CACNB2: variants seen among roughly 807,000 people sequenced by gnomAD.
CACNB2 encodes the protein voltage-dependent L-type calcium channel subunit beta-2.
In CACNB2, 42 loss-of-function variants were observed where a neutral mutation model predicts 73.3. That is an observed-to-expected ratio of 0.57 (90% CI 0.45 to 0.74). The LOEUF is 0.74. Ranked by LOEUF, CACNB2 falls within the 30% of genes least tolerant of loss-of-function variation. The probability of loss-of-function intolerance (pLI) is 0.00; values close to 1 mark genes in which losing one functional copy is unlikely to be tolerated. For synonymous variants in CACNB2, 348 were observed against 310.3 expected, an observed-to-expected ratio of 1.12 and a Z score of -1.28; for missense variants, 940 against 853.0, an observed-to-expected ratio of 1.10 and a Z score of -1.27.
At chr10:18,444,283 G>A (rs980987498) in intron 3 of CACNB2, among the ~76,000 whole-genome samples, 2 of 152,180 alleles carry the variant, frequency 1.3e-5, no homozygotes, top group Non-Finnish European at 2.9e-5. Context: ...GATGCAGAGA[G>A]AAGGTGTCAT....
At position 18,261,147 on chromosome 10, in the gene CACNB2, A is replaced by T. The variant is rs547910491; in HGVS notation, c.213+110172A>T. The T allele has an allele frequency of 2.1e-5, 32 of 1,539,438 alleles. No individual in the cohort carries two copies. In the South Asian group the frequency reaches 3.5e-4, roughly 17 times the overall value. On this transcript the variant is annotated intron_variant, in intron 2 of 13. Transcript: ENST00000324631. ...CTACCTAGGAGGCAGAAGCTAAGTGATTTGCTCATGCCTCTTACCTGGGAG... is the reference window on the plus strand; with the variant it reads ...CTACCTAGGAGGCAGAAGCTAAGTGTTTTGCTCATGCCTCTTACCTGGGAG...
chr10:18,252,170 A>G (rs544020078), intron 2 of CACNB2, among the ~76,000 whole-genome samples: 2 of 152,078 alleles, frequency 1.3e-5, no homozygotes, highest in African/African-American at 4.8e-5. Context: ...TATTTTACTG[A>G]ATGTTGCTAT....
intron 2 of CACNB2, among the ~76,000 whole-genome samples, chr10:18,381,898 C>T (rs2043035011): frequency 6.6e-6 from 1 of 151,964 alleles, no homozygotes; most frequent in Non-Finnish European, 1.5e-5. Flanking sequence ...CTGGCCATAG[C>T]AGGTAGGGTC....
chr10:18,445,377 T>C (rs961132432), intron 3 of CACNB2, among the ~76,000 whole-genome samples: 2 of 152,216 alleles, frequency 1.3e-5, no homozygotes, highest in African/African-American at 4.8e-5. Context: ...AGGCTTGCAC[T>C]TTAAAGAAGA....
chr10:18,452,502 C>A (rs2047064389), intron 3 of CACNB2, among the ~76,000 whole-genome samples: 1 of 152,192 alleles, frequency 6.6e-6, no homozygotes, highest in Non-Finnish European at 1.5e-5. Context: ...AGACTATCTT[C>A]AATTAATCTT....
chr10:18,467,752 C>G (rs1167783961), intron 3 of CACNB2, among the ~76,000 whole-genome samples: 2 of 152,168 alleles, frequency 1.3e-5, no homozygotes, highest in African/African-American at 4.8e-5. Context: ...CCAACTTGCT[C>G]CTCTTCTAAA....
At chr10:18,366,109 T>C (rs958626223) in intron 2 of CACNB2, among the ~76,000 whole-genome samples, 4 of 152,234 alleles carry the variant, frequency 2.6e-5, no homozygotes, top group Admixed American at 6.5e-5. Context: ...TGGCTGGTTC[T>C]ACCTTTCAAA....
Position 18,542,061 on chromosome 10 carries a change from G to C in CACNB2, c.*2337G>C, listed in dbSNP as rs919020950. The C allele has an allele frequency of 1.3e-5, 2 of 151,922 alleles. No homozygotes were observed. Among genetic ancestry groups the C allele is most frequent in the African/African-American group, 2.4e-5 (1 of 41,356 alleles). The allele number at this position is 151,922 out of a possible 1,614,324, so 9.4% of individuals were successfully genotyped here. A position where few individuals can be genotyped will look rare whatever the true frequency, so the allele number is the denominator to read the frequency against. On this transcript the variant is annotated 3_prime_UTR_variant, in exon 14 of 14. Transcript: ENST00000324631. ...TAAAAATGATTAAGCTGGGGTGGTAGAGTATACCTGTAGACCCAGCTACTT... is the reference window on the plus strand; with the variant it reads ...TAAAAATGATTAAGCTGGGGTGGTACAGTATACCTGTAGACCCAGCTACTT...
intron 3 of CACNB2, among the ~76,000 whole-genome samples, chr10:18,416,375 C>T (rs2044962485): frequency 6.6e-6 from 1 of 152,198 alleles, no homozygotes; most frequent in Non-Finnish European, 1.5e-5. Flanking sequence ...ATTTGGGCTG[C>T]TTCCACCTCT....
intron 2 of CACNB2, among the ~76,000 whole-genome samples, chr10:18,338,776 C>T (rs1162228743): frequency 7.5e-6 from 1 of 133,886 alleles, no homozygotes; most frequent in Non-Finnish European, 1.5e-5. Context: ...GGTCTTGGCT[C>T]CACCCAGGCT....
intron 2 of CACNB2, among the ~76,000 whole-genome samples, chr10:18,287,714 G>C (rs1414249440): frequency 6.6e-6 from 1 of 152,176 alleles, no homozygotes; most frequent in Non-Finnish European, 1.5e-5. Context: ...GGCTGGGCAC[G>C]ATGGCACGCC....
At chr10:18,349,274 G>T (rs777472182) in intron 2 of CACNB2, among the ~76,000 whole-genome samples, 4 of 152,174 alleles carry the variant, frequency 2.6e-5, no homozygotes, top group Non-Finnish European at 4.4e-5. Flanking sequence ...GCTGTGGCTG[G>T]AACAACTGGT....
rs548097511 is a variant in CACNB2, at chr10:18,400,069, A to T, written c.214-1855A>T. Reference sequence around the variant, plus strand: ...CAAATGGTAGTTTCTCAGTTGGAGAAGCAGTTCGAAGTCATTTTGAGCTCC... The same window carrying T: ...CAAATGGTAGTTTCTCAGTTGGAGATGCAGTTCGAAGTCATTTTGAGCTCC... On this transcript the variant is annotated intron_variant, in intron 2 of 13. Coordinates refer to ENST00000324631, the MANE Select transcript of CACNB2 (RefSeq NM_201596.3). Among the ~76,000 whole-genome samples, 8 of 152,346 alleles carry T rather than the reference A, an allele frequency of 5.3e-5. No homozygotes were observed. In the South Asian group the frequency reaches 1.7e-3, roughly 32 times the overall value.
chr10:18,460,583 A>G (rs1442206909), intron 3 of CACNB2, among the ~76,000 whole-genome samples: 1 of 152,086 alleles, frequency 6.6e-6, no homozygotes, highest in African/African-American at 2.4e-5. Context: ...AAACCCTCCC[A>G]TTTAAAAAAA....
At chr10:18,395,309 A>G (rs1452570410) in intron 2 of CACNB2, among the ~76,000 whole-genome samples, 1 of 151,948 alleles carries the variant, frequency 6.6e-6, no homozygotes, top group Non-Finnish European at 1.5e-5. Context: ...TTTTTCTTTC[A>G]TCGTTTAGAT....
chr10:18,141,341 G>A, intron 1 of CACNB2: 1 of 873,740 alleles, frequency 1.1e-6, no homozygotes, highest in Non-Finnish European at 1.9e-6. Context: ...GTGGGCAGGA[G>A]GGGAGCGAAT....
chr10:18,263,566 C>G (rs1188810667), intron 2 of CACNB2, among the ~76,000 whole-genome samples: 1 of 152,152 alleles, frequency 6.6e-6, no homozygotes, highest in Admixed American at 6.5e-5. Context: ...GTGCATGTGT[C>G]TTAATCTTTC....
At chr10:18,148,165 A>G (rs2031181400) in intron 1 of CACNB2, among the ~76,000 whole-genome samples, 1 of 152,184 alleles carries the variant, frequency 6.6e-6, no homozygotes, top group South Asian at 2.1e-4. Context: ...AGATATAATG[A>G]AGCATATATA....
At chr10:18,360,024 A>G (rs928570681) in intron 2 of CACNB2, among the ~76,000 whole-genome samples, 4 of 152,182 alleles carry the variant, frequency 2.6e-5, no homozygotes, top group African/African-American at 9.7e-5. Flanking sequence ...GCGGGTAAGA[A>G]CAGTACAGGA....
Sources: gnomAD v4.1 joint callset for allele counts (sites outside exome capture counted in the v4.1 genomes callset) on GRCh38, gnomAD v4.1.1 for gene constraint, MANE v1.5 for transcripts, NCBI Gene and HGNC (gene_info 2026-07-23, HGNC 2026-07-21) for gene names.